CCDC7: variants seen among roughly 807,000 people sequenced by gnomAD.
The protein encoded by CCDC7 is coiled-coil domain containing 7, also known as coiled-coil domain-containing protein 7.
A neutral mutation model predicts 196.9 loss-of-function variants in CCDC7; 183 were observed. That is an observed-to-expected ratio of 0.93 (90% CI 0.82 to 1.05). The LOEUF (loss-of-function observed/expected upper bound fraction) is 1.05. Among genes scored for constraint, CCDC7 ranks in the 50% least tolerant of loss-of-function variants. The pLI, the probability that CCDC7 is intolerant of heterozygous loss-of-function variation, is 0.00. For missense variants in CCDC7, 1,540 were observed against 1,482.2 expected (o/e 1.04, Z -0.64); for synonymous variants, 525 against 484.6 (o/e 1.08, Z -1.10).
intron 21 of CCDC7, among the ~76,000 whole-genome samples, chr10:32,678,960 C>T (rs75988455): frequency 0.041 from 6,300 of 152,168 alleles, 133 homozygotes; most frequent in Middle Eastern, 0.065. Context: ...GCCTCCTATT[C>T]CATGATCTTA....
At chr10:32,595,095 T>A (rs1412486009) in intron 18 of CCDC7, among the ~76,000 whole-genome samples, 2 of 152,360 alleles carry the variant, frequency 1.3e-5, no homozygotes, top group East Asian at 3.9e-4. Flanking sequence ...CCTCTTTTTC[T>A]ATTGATTGGA....
chr10:32,570,718 T>G (rs2057432669), intron 15 of CCDC7, among the ~76,000 whole-genome samples: 1 of 152,188 alleles, frequency 6.6e-6, no homozygotes, highest in South Asian at 2.1e-4. Flanking sequence ...AGATGCACAT[T>G]CTTTTTTCTC....
chr10:32,534,434 G>A (rs953384250), intron 11 of CCDC7, among the ~76,000 whole-genome samples: 1 of 152,114 alleles, frequency 6.6e-6, no homozygotes, highest in East Asian at 1.9e-4. Context: ...CTTTTGGGGA[G>A]GTTATGATTT....
chr10:32,747,602 GA>G (rs1052496765), intron 28 of CCDC7, among the ~76,000 whole-genome samples: 1 of 152,092 alleles, frequency 6.6e-6, no homozygotes. Context: ...ACAAGCATAT[GA>G]AAAAAATGCT....
intron 9 of CCDC7, chr10:32,512,999 G>A (rs911315489): frequency 6.6e-6 from 1 of 151,794 alleles, no homozygotes; most frequent in Non-Finnish European, 1.5e-5. Flanking sequence ...CCCTTTCGAG[G>A]ACAATTTAGC....
intron 21 of CCDC7, among the ~76,000 whole-genome samples, chr10:32,674,229 C>T (rs369794614): frequency 4.0e-4 from 60 of 151,260 alleles, no homozygotes; most frequent in African/African-American, 1.4e-3. Flanking sequence ...TATCAACTTT[C>T]CTTATGGTAC....
chr10:32,680,364 C>A (rs1224922101), intron 21 of CCDC7, among the ~76,000 whole-genome samples: 1 of 152,034 alleles, frequency 6.6e-6, no homozygotes, highest in Non-Finnish European at 1.5e-5. Flanking sequence ...ATAAGACCTT[C>A]ATTAGTTGGG....
chr10:32,706,556 AATAG>A (rs1197442886), intron 24 of CCDC7, among the ~76,000 whole-genome samples: 2 of 152,066 alleles, frequency 1.3e-5, no homozygotes, highest in African/African-American at 2.4e-5. Context: ...CAGTCAACAG[AATAG>A]ATAGATGGCT....
intron 24 of CCDC7, among the ~76,000 whole-genome samples, chr10:32,695,434 G>C (rs755000107): frequency 6.6e-6 from 1 of 152,208 alleles, no homozygotes. Context: ...TGTGGTCACT[G>C]GAGGGTCTCC....
chr10:32,872,256 T>A (rs1344392486), intron 41 of CCDC7, among the ~76,000 whole-genome samples: 1 of 152,136 alleles, frequency 6.6e-6, no homozygotes, highest in African/African-American at 2.4e-5. Flanking sequence ...TCTTTTTAGG[T>A]CTCTAAGGAC....
rs181508218 is a variant in CCDC7, at chr10:32,622,702, G to A, written c.1802-11552G>A. ...TCTCCATCCACTAGATGCTAGTAGCGACCCTCAGTTGTAAGAAAGAAAAAT... is the reference window on the plus strand; with the variant it reads ...TCTCCATCCACTAGATGCTAGTAGCAACCCTCAGTTGTAAGAAAGAAAAAT... On this transcript the variant is annotated intron_variant, in intron 18 of 41. Coordinates refer to ENST00000639629, the Ensembl canonical transcript of CCDC7. Among the ~76,000 whole-genome samples, 30 of 151,892 alleles carry A rather than the reference G, an allele frequency of 2.0e-4. No individual in the cohort carries two copies. In the East Asian group the frequency reaches 5.3e-3, roughly 27 times the overall value.
chr10:32,631,121 G>A (rs1388185360), intron 18 of CCDC7, among the ~76,000 whole-genome samples: 1 of 152,210 alleles, frequency 6.6e-6, no homozygotes, highest in African/African-American at 2.4e-5. Context: ...GAAACCTCTA[G>A]ATGATGGTGT....
intron 28 of CCDC7, among the ~76,000 whole-genome samples, chr10:32,775,264 A>G (rs1255643884): frequency 2.0e-5 from 3 of 152,330 alleles, no homozygotes; most frequent in East Asian, 3.9e-4. Flanking sequence ...GCCAGATTTC[A>G]TGACAGTACT....
chr10:32,625,005 T>C (rs796130191), intron 18 of CCDC7, among the ~76,000 whole-genome samples: 2,900 of 144,242 alleles, frequency 0.02, 42 homozygotes, highest in African/African-American at 0.074. Context: ...TTTTTTTTTT[T>C]TTTTTAGTTC....
chr10:32,504,116 T>TTTTTTTTTTTTTTTTTTTTTTTTTTTGG (rs2044491430), intron 9 of CCDC7, among the ~76,000 whole-genome samples: 1 of 51,502 alleles, frequency 1.9e-5, no homozygotes, highest in African/African-American at 1.0e-4. Context: ...TTATTGCTGG[T>TTTTTTTTTTTTTTTTTTTTTTTTTTTGG]TTTTTTTTTT....
intron 32 of CCDC7, among the ~76,000 whole-genome samples, chr10:32,826,155 G>C (rs868672733): frequency 4.5e-4 from 69 of 152,158 alleles, no homozygotes; most frequent in African/African-American, 1.3e-3. Flanking sequence ...ATCCCTGTTT[G>C]CTTCTAGACC....
chr10:32,679,725 G>T (rs964124452), intron 21 of CCDC7, among the ~76,000 whole-genome samples: 1 of 152,104 alleles, frequency 6.6e-6, no homozygotes, highest in Non-Finnish European at 1.5e-5. Flanking sequence ...CTATTTGGGG[G>T]GTTGCATGTT....
chr10:32,711,762 A>T (rs763907011), intron 25 of CCDC7, 32 bp downstream of exon 26: 1 of 1,292,534 alleles, frequency 7.7e-7, no homozygotes, highest in African/African-American at 1.6e-5. Context: ...ATTTTATATT[A>T]TTTTAAGTAA....
intron 22 of CCDC7, among the ~76,000 whole-genome samples, chr10:32,687,905 C>T (rs2076642883): frequency 6.6e-6 from 1 of 152,110 alleles, no homozygotes; most frequent in Non-Finnish European, 1.5e-5. Flanking sequence ...TACTGCCTGG[C>T]CAGAAGATCC....
Sources: gnomAD v4.1 joint callset for allele counts (sites outside exome capture counted in the v4.1 genomes callset) on GRCh38, gnomAD v4.1.1 for gene constraint, MANE v1.5 for transcripts, NCBI Gene and HGNC (gene_info 2026-07-23, HGNC 2026-07-21) for gene names.